WDR64: variants seen among roughly 807,000 people sequenced by gnomAD.
WDR64 encodes the protein WD repeat domain 64, also known as WD repeat-containing protein 64.
WDR64 carries 112 observed loss-of-function variants against 139.3 expected under a neutral mutation model. The ratio of observed to expected loss-of-function variants is 0.80; its 90% CI spans 0.69 to 0.94. The LOEUF (loss-of-function observed/expected upper bound fraction) is 0.94. WDR64 is among the 40% of genes least tolerant of loss of function. WDR64 has a pLI of 0.00. For missense variants in WDR64, 1,206 were observed against 1,293.1 expected, an observed-to-expected ratio of 0.93 and a Z score of 1.03; for synonymous variants, 444 against 437.7, an observed-to-expected ratio of 1.01 and a Z score of -0.18.
At position 241,703,464 on chromosome 1, in the gene WDR64, T is replaced by TG. The variant is rs544911604; in HGVS notation, c.975-8338_975-8337insG. ...GATAGGGGACTCTATCAAAAAGTTT[T>TG]TTTTTTTTTTCTGTTTTGAAGAAAC... On this transcript the variant is annotated intron_variant, in intron 8 of 27. Coordinates refer to ENST00000437684, the MANE Select transcript of WDR64 (RefSeq NM_001367482.1). This position sits in a 1 kb window ranked among gnomAD's most constrained non-coding sequence, Gnocchi z 5.9. Among the ~76,000 whole-genome samples the TG allele has an allele frequency of 1.1e-4, 16 of 151,876 alleles. No individual in the cohort carries two copies. The East Asian group carries it at 3.1e-3, about 29-fold the overall frequency.
chr1:241,677,709 T>C (rs1276798216), intron 4 of WDR64, among the ~76,000 whole-genome samples: 2 of 152,184 alleles, frequency 1.3e-5, no homozygotes, highest in Non-Finnish European at 1.5e-5. Flanking sequence ...GGAGGCCCAC[T>C]GGGTAAAATG....
chr1:241,768,146 C>T (rs901202274), intron 16 of WDR64, among the ~76,000 whole-genome samples: 4 of 152,312 alleles, frequency 2.6e-5, no homozygotes, highest in African/African-American at 9.6e-5. Flanking sequence ...TGTTAAAGTG[C>T]CTTGTTATTT....
At chr1:241,731,096 G>T (rs12067827) in intron 10 of WDR64, among the ~76,000 whole-genome samples, 2,914 of 152,110 alleles carry the variant, frequency 0.019, 81 homozygotes, top group African/African-American at 0.065. Flanking sequence ...AAATATATGT[G>T]CAAAGAGGTT....
intron 14 of WDR64, among the ~76,000 whole-genome samples, chr1:241,754,141 C>T (rs1263211320): frequency 6.6e-6 from 1 of 151,978 alleles, no homozygotes; most frequent in Non-Finnish European, 1.5e-5. Context: ...ATGTTCAACT[C>T]ACAACACTCA....
intron 7 of WDR64, among the ~76,000 whole-genome samples, chr1:241,684,517 G>A (rs1666935339): frequency 6.6e-6 from 1 of 152,116 alleles, no homozygotes; most frequent in African/African-American, 2.4e-5. Context: ...ATTTATCATA[G>A]AAGTACAAGT....
intron 8 of WDR64, among the ~76,000 whole-genome samples, chr1:241,702,787 A>G (rs1667769655): frequency 6.6e-6 from 1 of 152,240 alleles, no homozygotes; most frequent in Non-Finnish European, 1.5e-5. Context: ...TTTAAATTTC[A>G]CTGGTCATGA....
chr1:241,658,715 C>T (rs1442427429), intron 1 of WDR64, among the ~76,000 whole-genome samples: 1 of 151,418 alleles, frequency 6.6e-6, no homozygotes, highest in East Asian at 1.9e-4. Context: ...CCAAAGACTC[C>T]AATGGTGAAA....
chr1:241,783,215 T>A (rs1388302739), intron 22 of WDR64, 57 bp from the exon 23 acceptor site: 1 of 1,439,024 alleles, frequency 6.9e-7, no homozygotes, highest in African/African-American at 1.4e-5. Context: ...TGTTGAAGAT[T>A]ACATTTTTAC....
At chr1:241,698,171 C>T (rs888688907) in intron 8 of WDR64, among the ~76,000 whole-genome samples, 3 of 152,168 alleles carry the variant, frequency 2.0e-5, no homozygotes, top group Non-Finnish European at 4.4e-5. Flanking sequence ...ACTTCCCCCA[C>T]TTTAAAATAT....
At position 241,790,703 on chromosome 1, in the gene WDR64, TAAAAAAAAA is replaced by T. The variant is rs35435449; in HGVS notation, c.2997+17_2997+25del. 2 of 1,285,178 alleles carry T rather than the reference TAAAAAAAAA, an allele frequency of 1.6e-6. No homozygotes were observed. Among genetic ancestry groups the T allele is most frequent in the South Asian group, 1.4e-5 (1 of 70,232 alleles). 79.6% of individuals were successfully genotyped at this position (1,285,178 alleles called of 1,614,324 possible). On this transcript the variant is annotated splice_region_variant and intron_variant, in intron 25 of 27. Coordinates refer to ENST00000437684, the MANE Select transcript of WDR64 (RefSeq NM_001367482.1). ...GTCTCTTTCTTCTCCTAAGGTAGCT[TAAAAAAAAA>T]AAAAAAAAAGAAATGGCAACAACAA...
chr1:241,746,895 G>C (rs1289312943), intron 13 of WDR64, among the ~76,000 whole-genome samples: 1 of 151,986 alleles, frequency 6.6e-6, no homozygotes, highest in Admixed American at 6.6e-5. Context: ...GAGTAGCTGG[G>C]ACTACAGATG....
intron 10 of WDR64, among the ~76,000 whole-genome samples, chr1:241,732,574 C>T (rs1019921023): frequency 6.6e-6 from 1 of 152,156 alleles, no homozygotes; most frequent in Admixed American, 6.5e-5. Context: ...AATCCCAACA[C>T]TTTGGGAGGC....
chr1:241,775,802 A>G (rs1038474794), intron 21 of WDR64, among the ~76,000 whole-genome samples: 1 of 152,166 alleles, frequency 6.6e-6, no homozygotes. Context: ...GTTTTATTTT[A>G]CTAGTGTTTA....
Position 241,725,465 on chromosome 1 carries a change from G to A in WDR64, c.1194+2029G>A, listed in dbSNP as rs571347529. On this transcript the variant is annotated intron_variant, in intron 10 of 27. Coordinates refer to ENST00000437684, the MANE Select transcript of WDR64 (RefSeq NM_001367482.1). ...CCTACCCCTCATACACCCTCTACCC[G>A]ATGCAAAACCCTTCGATGGAAGCAA... is the stretch of plus-strand genomic sequence containing the variant. Among the ~76,000 whole-genome samples, 4 of 136,668 alleles carry A rather than the reference G, an allele frequency of 2.9e-5. No individual in the cohort carries two copies. The South Asian group carries it at 1.1e-3, about 36-fold the overall frequency. 89.7% of individuals were successfully genotyped at this position (136,668 alleles called of 152,430 possible).
intron 8 of WDR64, among the ~76,000 whole-genome samples, chr1:241,691,414 A>G (rs572052633): frequency 1.3e-5 from 2 of 152,350 alleles, no homozygotes; most frequent in Admixed American, 6.5e-5. Flanking sequence ...TATGTTGTCT[A>G]TAAGAAACCC....
At chr1:241,666,232 A>C (rs1001582277) in intron 2 of WDR64, among the ~76,000 whole-genome samples, 16 of 152,214 alleles carry the variant, frequency 1.1e-4, no homozygotes, top group African/African-American at 3.9e-4. Flanking sequence ...AAAGGTCGAA[A>C]GAGAAATTTG....
At chr1:241,759,765 C>T (rs1271372751) in intron 15 of WDR64, among the ~76,000 whole-genome samples, 1 of 152,066 alleles carries the variant, frequency 6.6e-6, no homozygotes, top group East Asian at 1.9e-4. Context: ...TTTAGGTGCA[C>T]AGTTAGGGAC....
intron 9 of WDR64, among the ~76,000 whole-genome samples, chr1:241,717,942 C>T (rs1668466244): frequency 6.6e-6 from 1 of 152,168 alleles, no homozygotes; most frequent in Non-Finnish European, 1.5e-5. Context: ...TACAACTCCA[C>T]TCAATCTTCA....
At chr1:241,717,245 T>C (rs1160369591) in intron 9 of WDR64, among the ~76,000 whole-genome samples, 2 of 152,218 alleles carry the variant, frequency 1.3e-5, no homozygotes, top group African/African-American at 2.4e-5. Flanking sequence ...CTGCTTTCAC[T>C]GTAGTGATGT....
Sources: gnomAD v4.1 joint callset for allele counts (sites outside exome capture counted in the v4.1 genomes callset) on GRCh38, gnomAD v4.1.1 for gene constraint, Gnocchi (gnomAD v3.1) non-coding constraint, MANE v1.5 for transcripts, NCBI Gene and HGNC (gene_info 2026-07-23, HGNC 2026-07-21) for gene names.